The following TMEM240 variants were observed in gnomAD, a reference collection of about 807,000 sequenced individuals.
TMEM240 encodes the protein transmembrane protein 240, also known as transmembrane protein C1orf70.
In TMEM240, 3 loss-of-function variants were observed where a neutral mutation model predicts 19.5. That is an observed-to-expected ratio of 0.15 (90% CI 0.07 to 0.40). The LOEUF is 0.40. Among genes scored for constraint, TMEM240 ranks in the 10% least tolerant of loss-of-function variants. The pLI is 1.00. For missense variants in TMEM240, 210 were observed against 253.5 expected, an observed-to-expected ratio of 0.83 and a Z score of 1.17; for synonymous variants, 123 against 109.3, an observed-to-expected ratio of 1.13 and a Z score of -0.78.
chr1:1,534,913 G>GCCCCCC lies in TMEM240; in HGVS notation c.*445_*446insGGGGGG, dbSNP rs5772044. Among the ~76,000 whole-genome samples the GCCCCCC allele has an allele frequency of 4.8e-4, 71 of 149,352 alleles. No homozygotes were observed. The highest frequency in any genetic ancestry group is 1.5e-3 in the African/African-American group (61 of 39,362). On this transcript the variant is annotated 3_prime_UTR_variant, in exon 4 of 4. Coordinates refer to ENST00000378733, the MANE Select transcript of TMEM240 (RefSeq NM_001114748.2). The stretch of plus-strand genomic sequence containing the variant: ...ACCCTGTGGCTGTGCACACGCGGGT[G>GCCCCCC]CTCCCCTCGCCCCCCTCCCCTCCGC...
In TMEM240 at chr1:1,535,745, C is replaced by A; in HGVS notation, c.217G>T (p.Ala73Ser). The stretch of plus-strand genomic sequence containing the variant: ...TCCGTCACAAAGTAGTTCTCGGAGG[C>A]GTCCACCACCGACTGGTCCCCGTCG... ...PYDGDQSVVDASENYFVTDSV... is the reference protein window; with the variant it reads ...PYDGDQSVVDSSENYFVTDSV... The change falls in exon 3 of 4, where the codon GCC (alanine) becomes TCC (serine). Residue 73 changes from alanine to serine, a missense_variant. Coordinates refer to ENST00000378733, the MANE Select transcript of TMEM240 (RefSeq NM_001114748.2). The surrounding 1 kb of genome is among the most constrained non-coding windows in gnomAD (Gnocchi z 8.2). 2 of 1,550,328 alleles carry A rather than the reference C, an allele frequency of 1.3e-6. No homozygotes were observed. Among genetic ancestry groups the A allele is most frequent in the East Asian group, 2.4e-5 (1 of 40,908 alleles).
rs371009717 is a variant in TMEM240, at chr1:1,535,722, C to A, written c.240G>T (p.Thr80=). 1.3e-4 allele frequency: 195 copies of A among 1,550,464 alleles called. No homozygotes were observed. The highest frequency in any genetic ancestry group is 1.7e-4 in the Middle Eastern group (1 of 5,992). The part of the protein sequence containing the change: ...VVDASENYFV[T]DSVTKQEIDL... ...CGATCTCCTGCTTGGTCACACTGTC[C>A]GTCACAAAGTAGTTCTCGGAGGCGT... Residue 80 remains threonine, a synonymous_variant, in exon 3 of 4, where the codon ACG becomes ACT. Coordinates refer to ENST00000378733, the MANE Select transcript of TMEM240 (RefSeq NM_001114748.2). The surrounding 1 kb of genome is among the most constrained non-coding windows in gnomAD (Gnocchi z 8.2).
At position 1,535,201 on chromosome 1, in the gene TMEM240, A is replaced by C. The variant is rs950212156; in HGVS notation, c.*158T>G. The C allele has an allele frequency of 1.4e-6, 1 of 713,822 alleles. No individual in the cohort carries two copies. Among genetic ancestry groups the C allele is most frequent in the African/African-American group, 1.9e-5 (1 of 51,390 alleles). 44.2% of individuals were successfully genotyped at this position (713,822 alleles called of 1,614,324 possible). A position where few individuals can be genotyped will look rare whatever the true frequency, so the allele number is the denominator to read the frequency against. On this transcript the variant is annotated 3_prime_UTR_variant, in exon 4 of 4. Coordinates refer to ENST00000378733, the MANE Select transcript of TMEM240 (RefSeq NM_001114748.2). The surrounding 1 kb of genome is among the most constrained non-coding windows in gnomAD (Gnocchi z 8.2). ...CCAACCCCCTTTATAAAAAGAAGAG[A>C]CAGCACCTTCCACTGGACTCTCCCG...
In TMEM240 at chr1:1,536,359, C is replaced by T. The variant is rs989623832; in HGVS notation, c.165-562G>A. On this transcript the variant is annotated intron_variant, in intron 2 of 3. Transcript: ENST00000378733. The surrounding 1 kb of genome is among the most constrained non-coding windows in gnomAD (Gnocchi z 5.4). Reference sequence around the variant, plus strand: ...CACTGCCCCTGGTGTTTCTTCTGCTCCTCTATCCCTGGGAGGTGCTGTCGG... The same window carrying T: ...CACTGCCCCTGGTGTTTCTTCTGCTTCTCTATCCCTGGGAGGTGCTGTCGG... 6.6e-5 allele frequency among the ~76,000 whole-genome samples: 10 copies of T among 152,188 alleles called. 1 individual carries two copies.
intron 2 of TMEM240, among the ~76,000 whole-genome samples, chr1:1,538,178 C>A (rs567938353): frequency 3.9e-5 from 6 of 152,340 alleles, no homozygotes; most frequent in Non-Finnish European, 5.9e-5. Context: ...TTTGCATACA[C>A]ATATATGTTG....
rs1356746334 is a variant in TMEM240 at position 1,535,234 on chromosome 1, A to G, written c.*125T>C. On this transcript the variant is annotated 3_prime_UTR_variant, in exon 4 of 4. Transcript: ENST00000378733. This position sits in a 1 kb window ranked among gnomAD's most constrained non-coding sequence, Gnocchi z 8.2. Reference sequence around the variant, plus strand: ...TTCCACTGGACTCTCCCGGCCGGCCACAGCCCCGGACAACCTGGGCCCAGG... The same window carrying G: ...TTCCACTGGACTCTCCCGGCCGGCCGCAGCCCCGGACAACCTGGGCCCAGG... 2 of 943,350 alleles carry G rather than the reference A, an allele frequency of 2.1e-6. No homozygotes were observed. The highest frequency in any genetic ancestry group is 1.1e-4 in the East Asian group (2 of 17,668). The allele number at this position is 943,350 out of a possible 1,614,324, so 58.4% of individuals were successfully genotyped here. A position where few individuals can be genotyped will look rare whatever the true frequency, so the allele number is the denominator to read the frequency against.
At position 1,534,970 on chromosome 1, in the gene TMEM240, C is replaced by T. The variant is rs550654437; in HGVS notation, c.*389G>A. The stretch of plus-strand genomic sequence containing the variant: ...TGGCTGGGGCCAGACAGACGGTGGA[C>T]GCAGCGCACGGGAAACAGCGCCTTC... On this transcript the variant is annotated 3_prime_UTR_variant, in exon 4 of 4. Transcript: ENST00000378733. Among the ~76,000 whole-genome samples, 2 of 146,584 alleles carry T rather than the reference C, an allele frequency of 1.4e-5. No individual in the cohort carries two copies. The highest frequency in any genetic ancestry group is 2.6e-5 in the African/African-American group (1 of 38,034).
At chr1:1,538,555 A>G (rs1250604901) in intron 2 of TMEM240, among the ~76,000 whole-genome samples, 5 of 152,202 alleles carry the variant, frequency 3.3e-5, no homozygotes, top group Admixed American at 1.3e-4. Flanking sequence ...AGCCGACCTC[A>G]GGCCTTTGCT....
chr1:1,540,052 G>C (rs1164243909), intron 1 of TMEM240, among the ~76,000 whole-genome samples: 1 of 98,514 alleles, frequency 1.0e-5, no homozygotes, highest in Admixed American at 9.1e-5. Context: ...GGCCGGGGTG[G>C]GGGGAGCGTA....
intron 1 of TMEM240, among the ~76,000 whole-genome samples, 160 bp downstream of exon 1, chr1:1,540,130 G>A (rs1209799451): frequency 9.0e-6 from 1 of 110,690 alleles, no homozygotes; most frequent in African/African-American, 3.5e-5. Context: ...GCCGGGGTGG[G>A]GGAGCGCAGG....
rs563508086 is a variant in TMEM240, at chr1:1,537,961, C to T, written c.164+1723G>A. On this transcript the variant is annotated intron_variant, in intron 2 of 3. Coordinates refer to ENST00000378733, the MANE Select transcript of TMEM240 (RefSeq NM_001114748.2). ...CCACGTCAACGTCTACGTATAGGCACGTATGAGGCCTACACATGTACACAC... is the reference window on the plus strand; with the variant it reads ...CCACGTCAACGTCTACGTATAGGCATGTATGAGGCCTACACATGTACACAC... Among the ~76,000 whole-genome samples the T allele has an allele frequency of 4.6e-5, 7 of 152,336 alleles. No homozygotes were observed. The South Asian group carries it at 1.0e-3, about 23-fold the overall frequency.
In TMEM240 at chr1:1,540,373, G is replaced by A. The variant is rs764836859; in HGVS notation, c.-27C>T. Reference sequence around the variant, plus strand: ...GGGCGGGGCCGGGCCGGGCCGGAGCGCCGCCCCCCGGCCCCGGCGCCCCCC... The same window carrying A: ...GGGCGGGGCCGGGCCGGGCCGGAGCACCGCCCCCCGGCCCCGGCGCCCCCC... On this transcript the variant is annotated 5_prime_UTR_variant, in exon 1 of 4. Transcript: ENST00000378733. 181 of 1,127,830 alleles carry A rather than the reference G, an allele frequency of 1.6e-4. No individual in the cohort carries two copies. The highest frequency in any genetic ancestry group is 3.6e-4 in the Middle Eastern group (1 of 2,754). 69.9% of individuals were successfully genotyped at this position (1,127,830 alleles called of 1,614,324 possible).
chr1:1,536,470 G>A lies in TMEM240; in HGVS notation c.165-673C>T, dbSNP rs1030599092. Among the ~76,000 whole-genome samples, 11 of 152,300 alleles carry A rather than the reference G, an allele frequency of 7.2e-5. No individual in the cohort carries two copies. In the South Asian group the frequency reaches 1.7e-3, roughly 23 times the overall value. ...CCCTTGCCTGGCACAGACCCGCCCC[G>A]CTCCTCTCAGGATGGACGGCGTCCA... On this transcript the variant is annotated intron_variant, in intron 2 of 3. Coordinates refer to ENST00000378733, the MANE Select transcript of TMEM240 (RefSeq NM_001114748.2). This position sits in a 1 kb window ranked among gnomAD's most constrained non-coding sequence, Gnocchi z 5.4.
chr1:1,537,780 C>T (rs1642245012), intron 2 of TMEM240, among the ~76,000 whole-genome samples: 1 of 152,342 alleles, frequency 6.6e-6, no homozygotes, highest in Non-Finnish European at 1.5e-5. Flanking sequence ...CACACCCCCG[C>T]CCTGTGCACG....
At chr1:1,540,186 G>A in intron 1 of TMEM240, 104 bp downstream of exon 1, 3 of 656,044 alleles carry the variant, frequency 4.6e-6, no homozygotes, top group South Asian at 5.4e-5. Context: ...AGGCCGGGGA[G>A]GGGAGCGCAG....
Position 1,539,785 on chromosome 1 carries a change from G to A in TMEM240, c.63C>T (p.Ile21=), listed in dbSNP as rs1435574254. The A allele has an allele frequency of 6.5e-7, 1 of 1,546,940 alleles. No homozygotes were observed. The highest frequency in any genetic ancestry group is 8.7e-7 in the Non-Finnish European group (1 of 1,146,126). The change falls in exon 2 of 4, where the codon ATC becomes ATT. Residue 21 remains isoleucine, a synonymous_variant. Transcript: ENST00000378733. The part of the protein sequence containing the change: ...MILGASVVMA[I]ACLMDMNALL... ...GCGCGTTCATGTCCATCAAGCACGC[G>A]ATGGCCTGGAAGAGCTCATGACCGG...
chr1:1,535,283 C>T lies in TMEM240; in HGVS notation c.*76G>A, dbSNP rs368246453. 213 of 1,497,880 alleles carry T rather than the reference C, an allele frequency of 1.4e-4. 2 individuals carry two copies. In the African/African-American group the frequency reaches 1.9e-3, roughly 13 times the overall value. 92.8% of individuals were successfully genotyped at this position (1,497,880 alleles called of 1,614,324 possible). ...GGGCTGCTGTCCAGTCCCGCCGGCC[C>T]GGGCGTCCACGAGGTCCCTTTTACA... is the stretch of plus-strand genomic sequence containing the variant. On this transcript the variant is annotated 3_prime_UTR_variant, in exon 4 of 4. Transcript: ENST00000378733. This position sits in a 1 kb window ranked among gnomAD's most constrained non-coding sequence, Gnocchi z 8.2.
intron 1 of TMEM240, 42 bp from the exon 2 acceptor site, chr1:1,539,832 G>T: frequency 6.7e-7 from 1 of 1,490,554 alleles, no homozygotes; most frequent in Non-Finnish European, 9.1e-7. Context: ...GAGCGGGCGG[G>T]ACGAAGCGGG....
intron 2 of TMEM240, among the ~76,000 whole-genome samples, chr1:1,537,043 CAGGGTCTTGCA>C (rs1642233830): frequency 6.6e-6 from 1 of 152,102 alleles, no homozygotes; most frequent in Non-Finnish European, 1.5e-5. Flanking sequence ...CCGTCCAACC[CAGGGTCTTGCA>C]GCCCTCTCCA....
Sources: gnomAD v4.1 joint callset for allele counts (sites outside exome capture counted in the v4.1 genomes callset) on GRCh38, gnomAD v4.1.1 for gene constraint, Gnocchi (gnomAD v3.1) non-coding constraint, MANE v1.5 for transcripts, NCBI Gene and HGNC (gene_info 2026-07-23, HGNC 2026-07-21) for gene names.